The following VPS45 variants were observed in gnomAD, a reference collection of about 807,000 sequenced individuals.
The protein encoded by VPS45 is vacuolar protein sorting 45 homolog.
VPS45 carries 35 observed loss-of-function variants against 75.9 expected under a neutral mutation model. The ratio of observed to expected loss-of-function variants is 0.46; its 90% CI spans 0.35 to 0.61. VPS45 has a LOEUF of 0.61. Among genes scored for constraint, VPS45 ranks in the 20% least tolerant of loss-of-function variants. VPS45 has a pLI of 0.00. For synonymous variants in VPS45, 220 were observed against 238.2 expected, an observed-to-expected ratio of 0.92 and a Z score of 0.70; for missense variants, 559 against 685.9, an observed-to-expected ratio of 0.81 and a Z score of 2.07.
intron 13 of VPS45, among the ~76,000 whole-genome samples, chr1:150,097,183 G>A (rs587593645): frequency 2.6e-5 from 4 of 151,324 alleles, no homozygotes; most frequent in South Asian, 2.1e-4. Flanking sequence ...CGCCTCCTGG[G>A]TTCAAGATTC....
upstream of VPS45, chr1:150,067,584 C>T (rs781916043): frequency 8.7e-6 from 4 of 457,970 alleles, no homozygotes; most frequent in Non-Finnish European, 1.6e-5. Context: ...AGAGTCCGGG[C>T]CTCAGGCATC....
Position 150,081,324 on chromosome 1 carries a change from TC to T in VPS45, c.688-17del, listed in dbSNP as rs1655691295. On this transcript the variant is annotated splice_polypyrimidine_tract_variant and intron_variant, in intron 7 of 14. Coordinates refer to ENST00000644510, the MANE Select transcript of VPS45 (RefSeq NM_007259.5). ...ATATTCTGTCAGTTACCTTTTTTTT[TC>T]ATAATTCTTTATTTAGTGGACATAT... 1.3e-6 allele frequency: 2 copies of T among 1,576,138 alleles called. No individual in the cohort carries two copies. The highest frequency in any genetic ancestry group is 4.1e-5 in the Admixed American group (2 of 48,410).
intron 10 of VPS45, among the ~76,000 whole-genome samples, chr1:150,083,639 T>C (rs1298947763): frequency 4.0e-5 from 6 of 148,752 alleles, no homozygotes; most frequent in Non-Finnish European, 7.4e-5. Flanking sequence ...CATGAAGATG[T>C]GAAGAAATAA....
rs141879259 is a variant in VPS45, at chr1:150,136,195, G to A, written c.1626-8514G>A. ...ACCTGGGAGGCAGGGATTGCAGTGA[G>A]CCGAGATCGTCCCACTGCACTCCAG... On this transcript the variant is annotated intron_variant, in intron 14 of 14. Coordinates refer to ENST00000644510, the MANE Select transcript of VPS45 (RefSeq NM_007259.5). 5.5e-3 allele frequency among the ~76,000 whole-genome samples: 776 copies of A among 142,166 alleles called. 7 individuals are homozygous for A. The highest frequency in any genetic ancestry group is 0.03 in the Middle Eastern group (7 of 236). The allele number at this position is 142,166 out of a possible 152,430, so 93.3% of individuals were successfully genotyped here.
At chr1:150,073,396 A>G (rs79319813) in intron 3 of VPS45, among the ~76,000 whole-genome samples, 4 of 151,942 alleles carry the variant, frequency 2.6e-5, no homozygotes, top group African/African-American at 2.4e-5. Flanking sequence ...CGAAAAGACT[A>G]TATATATATA....
intron 13 of VPS45, among the ~76,000 whole-genome samples, chr1:150,095,130 C>T (rs1232235097): frequency 6.6e-6 from 1 of 152,084 alleles, no homozygotes; most frequent in South Asian, 2.1e-4. Flanking sequence ...ACAAGGTACC[C>T]GCCCTCAAAG....
chr1:150,111,186 TA>T (rs1657629106), intron 14 of VPS45, among the ~76,000 whole-genome samples: 1 of 152,144 alleles, frequency 6.6e-6, no homozygotes, highest in Non-Finnish European at 1.5e-5. Context: ...GAGAGGCAGA[TA>T]AAAGGGCCAA....
rs1658421069 is a variant in VPS45 at position 150,124,801 on chromosome 1, C to T, written c.1625+14174C>T. Among the ~76,000 whole-genome samples, 4 of 151,184 alleles carry T rather than the reference C, an allele frequency of 2.6e-5. No individual in the cohort carries two copies. In the South Asian group the frequency reaches 8.3e-4, roughly 31 times the overall value. On this transcript the variant is annotated intron_variant, in intron 14 of 14. Coordinates refer to ENST00000644510, the MANE Select transcript of VPS45 (RefSeq NM_007259.5). The stretch of plus-strand genomic sequence containing the variant: ...TTTGAACTCCTGACCTCAAGTAATC[C>T]GCCTGCCTTGTCCTCCCAAAGTGCT...
In VPS45 at chr1:150,097,505, G is replaced by T. The variant is rs587758085; in HGVS notation, c.1493+3857G>T. ...GAGGCCGAGCGGGCAGATTCTTTGA[G>T]GTCAGGAGTTTGAGACCAGCCTGGC... is the stretch of plus-strand genomic sequence containing the variant. On this transcript the variant is annotated intron_variant, in intron 13 of 14. Transcript: ENST00000644510. Among the ~76,000 whole-genome samples, 257 of 151,790 alleles carry T rather than the reference G, an allele frequency of 1.7e-3. 1 individual carries two copies. The highest frequency in any genetic ancestry group is 2.6e-3 in the Non-Finnish European group (180 of 67,936).
chr1:150,096,290 T>G lies in VPS45; in HGVS notation c.1493+2642T>G, dbSNP rs190085383. ...AAATGGAAACAAGAGGAGAGTGTAT[T>G]GGATCATGACAAAGGTATTGGTGAA... On this transcript the variant is annotated intron_variant, in intron 13 of 14. Coordinates refer to ENST00000644510, the MANE Select transcript of VPS45 (RefSeq NM_007259.5). Among the ~76,000 whole-genome samples, 3 of 152,306 alleles carry G rather than the reference T, an allele frequency of 2.0e-5. No homozygotes were observed. In the East Asian group the frequency reaches 5.8e-4, roughly 29 times the overall value.
intron 14 of VPS45, among the ~76,000 whole-genome samples, chr1:150,124,232 G>A (rs1658384188): frequency 6.6e-6 from 1 of 152,086 alleles, no homozygotes; most frequent in Non-Finnish European, 1.5e-5. Flanking sequence ...AGGCCGAGGC[G>A]GGTGGATCAC....
At chr1:150,077,067 C>A (rs368958969) in intron 5 of VPS45, 27 bp from the exon 6 acceptor site, 99 of 1,613,228 alleles carry the variant, frequency 6.1e-5, no homozygotes, top group Non-Finnish European at 7.9e-5. Context: ...CAAATATTTT[C>A]TCTGAATATA....
chr1:150,089,190 TTA>T (rs1340976746), intron 10 of VPS45, among the ~76,000 whole-genome samples: 2 of 152,086 alleles, frequency 1.3e-5, no homozygotes, highest in Non-Finnish European at 2.9e-5. Flanking sequence ...TTTTGTGAAT[TTA>T]TAGTTACTTG....
chr1:150,087,913 C>G (rs1156715919), intron 10 of VPS45, among the ~76,000 whole-genome samples: 1 of 152,052 alleles, frequency 6.6e-6, no homozygotes, highest in Admixed American at 6.6e-5. Context: ...TACCAAGTCT[C>G]AAGGAATGGA....
intron 14 of VPS45, among the ~76,000 whole-genome samples, chr1:150,111,895 T>C (rs1657670155): frequency 6.6e-6 from 1 of 152,150 alleles, no homozygotes; most frequent in Admixed American, 6.5e-5. Flanking sequence ...TCATCGTACA[T>C]TCTGTGTTTT....
At chr1:150,095,424 C>A (rs1365500516) in intron 13 of VPS45, among the ~76,000 whole-genome samples, 7 of 152,068 alleles carry the variant, frequency 4.6e-5, no homozygotes, top group African/African-American at 1.7e-4. Flanking sequence ...ACCAGGCTGG[C>A]CAACATGGCA....
chr1:150,117,385 G>T (rs1317828853), intron 14 of VPS45, among the ~76,000 whole-genome samples: 1 of 150,464 alleles, frequency 6.6e-6, no homozygotes, highest in African/African-American at 2.4e-5. Context: ...AGCCAGGCAT[G>T]GTGACAGGCA....
At chr1:150,124,302 T>C (rs1368587572) in intron 14 of VPS45, among the ~76,000 whole-genome samples, 1 of 151,692 alleles carries the variant, frequency 6.6e-6, no homozygotes, top group Non-Finnish European at 1.5e-5. Context: ...CTACTAAAAA[T>C]ACAAAAATCA....
intron 14 of VPS45, among the ~76,000 whole-genome samples, chr1:150,140,732 A>C (rs1571925515): frequency 6.6e-6 from 1 of 152,156 alleles, no homozygotes; most frequent in South Asian, 2.1e-4. Context: ...ATATGTTTAG[A>C]ACTTTTACAA....
Sources: allele counts gnomAD v4.1 joint callset (sites outside exome capture counted in the v4.1 genomes callset), GRCh38; gene constraint gnomAD v4.1.1; transcripts MANE v1.5; gene names NCBI Gene and HGNC (gene_info 2026-07-23, HGNC 2026-07-21).